SHC4: variants seen among roughly 807,000 people sequenced by gnomAD.
SHC4 encodes SHC-transforming protein 4.
Under a neutral mutation model 69.4 loss-of-function variants are expected in SHC4, and 41 were observed. The observed-to-expected ratio is 0.59, with a 90% CI of 0.46 to 0.77. The LOEUF (loss-of-function observed/expected upper bound fraction) is 0.77, where lower values mean the gene tolerates loss of function less well. Ranked by LOEUF, SHC4 falls within the 30% of genes least tolerant of loss-of-function variation. The pLI, the probability that SHC4 is intolerant of heterozygous loss-of-function variation, is 0.00. For synonymous variants in SHC4, 318 were observed against 299.3 expected (o/e 1.06, Z -0.64); for missense variants, 777 against 783.8 (o/e 0.99, Z 0.10).
chr15:48,917,195 T>C lies in SHC4; in HGVS notation c.656+7684A>G, dbSNP rs143267457. ...TTTCTTCTTTACTTGATGTGGATGC[T>C]TACTTAAGGGAAGGAAGCTGAGCTT... On this transcript the variant is annotated intron_variant, in intron 2 of 11. Transcript: ENST00000332408. 5.9e-5 allele frequency among the ~76,000 whole-genome samples: 9 copies of C among 151,578 alleles called. No individual in the cohort carries two copies. The East Asian group carries it at 1.7e-3, about 29-fold the overall frequency.
At chr15:48,878,260 T>G in intron 4 of SHC4, 1 of 1,613,028 alleles carries the variant, frequency 6.2e-7, no homozygotes. Flanking sequence ...AGGGTGACCT[T>G]CCGCAGATGG....
intron 1 of SHC4, among the ~76,000 whole-genome samples, chr15:48,939,391 G>A (rs905863231): frequency 1.3e-5 from 2 of 152,326 alleles, no homozygotes; most frequent in African/African-American, 4.8e-5. Context: ...CACAGCATGT[G>A]CAAGAGGTAA....
At chr15:48,866,024 G>T (rs1899552386) in intron 6 of SHC4, among the ~76,000 whole-genome samples, 1 of 152,182 alleles carries the variant, frequency 6.6e-6, no homozygotes, top group Non-Finnish European at 1.5e-5. Flanking sequence ...GCAATGACAT[G>T]CCCAGAGATA....
Position 48,963,657 on chromosome 15 carries a change from G to T in SHC4, c.-642C>A, listed in dbSNP as rs1475476099. Among the ~76,000 whole-genome samples the T allele has an allele frequency of 6.6e-6, 1 of 152,174 alleles. No individual in the cohort carries two copies. Among genetic ancestry groups the T allele is most frequent in the African/African-American group, 2.4e-5 (1 of 41,438 alleles). On this transcript the variant is annotated 5_prime_UTR_variant, in exon 1 of 12. In the 5' UTR this introduces an upstream ATG that the reference lacks. Coordinates refer to ENST00000332408, the MANE Select transcript of SHC4 (RefSeq NM_203349.4). ...TCTTGCATCCCGTTCTGGGCCACCA[G>T]CCAGGAGTACTACTGACGGGCGCTG...
At chr15:48,836,506 C>A (rs1898900963) in intron 10 of SHC4, among the ~76,000 whole-genome samples, 1 of 151,980 alleles carries the variant, frequency 6.6e-6, no homozygotes, top group African/African-American at 2.4e-5. Context: ...TTTAATAAGG[C>A]AAATTTACCA....
chr15:48,826,610 G>A (rs900546737), intron 11 of SHC4, among the ~76,000 whole-genome samples: 3 of 152,068 alleles, frequency 2.0e-5, no homozygotes, highest in African/African-American at 7.2e-5. Flanking sequence ...TTAGGAAAAT[G>A]GTAGGCACTT....
At chr15:48,954,183 A>C (rs1174082688) in intron 1 of SHC4, among the ~76,000 whole-genome samples, 1 of 152,130 alleles carries the variant, frequency 6.6e-6, no homozygotes, top group Non-Finnish European at 1.5e-5. Context: ...TTTAGCTGCA[A>C]CCTGCCCTCC....
chr15:48,962,393 C>T (rs1901558285), intron 1 of SHC4, 38 bp downstream of exon 1: 1 of 1,508,012 alleles, frequency 6.6e-7, no homozygotes, highest in African/African-American at 1.4e-5. Flanking sequence ...CCCCCTTCCA[C>T]GGAAGTTCTT....
intron 2 of SHC4, among the ~76,000 whole-genome samples, chr15:48,916,307 ACAC>A (rs1392348647): frequency 2.6e-5 from 4 of 151,014 alleles, no homozygotes; most frequent in Non-Finnish European, 4.4e-5. Flanking sequence ...ACACACACAC[ACAC>A]ACACACACCC....
intron 1 of SHC4, among the ~76,000 whole-genome samples, chr15:48,931,574 C>T (rs762500788): frequency 1.2e-4 from 19 of 152,194 alleles, no homozygotes; most frequent in Non-Finnish European, 2.4e-4. Flanking sequence ...TCCCTATCAT[C>T]GTCATAACTT....
chr15:48,897,154 G>C (rs932894664), intron 2 of SHC4, among the ~76,000 whole-genome samples: 6 of 152,108 alleles, frequency 3.9e-5, no homozygotes, highest in Non-Finnish European at 7.3e-5. Flanking sequence ...AAATTTTGGG[G>C]TTTCAGTGGC....
At chr15:48,882,091 G>T (rs1303415656) in intron 4 of SHC4, among the ~76,000 whole-genome samples, 1 of 152,132 alleles carries the variant, frequency 6.6e-6, no homozygotes, top group Non-Finnish European at 1.5e-5. Context: ...ACTTCCAGTG[G>T]TAGCATTAAG....
chr15:48,842,358 C>A (rs1367112671), intron 10 of SHC4, among the ~76,000 whole-genome samples: 4 of 152,176 alleles, frequency 2.6e-5, no homozygotes, highest in Non-Finnish European at 5.9e-5. Context: ...TGCAAATAAA[C>A]AAATTCAAAA....
At chr15:48,895,201 TG>T (rs1900203469) in intron 2 of SHC4, among the ~76,000 whole-genome samples, 1 of 152,162 alleles carries the variant, frequency 6.6e-6, no homozygotes, top group South Asian at 2.1e-4. Flanking sequence ...TTCCAAGGTA[TG>T]GACTTTACCC....
At chr15:48,890,579 G>A (rs973084251) in intron 3 of SHC4, among the ~76,000 whole-genome samples, 169 bp downstream of exon 3, 3 of 152,118 alleles carry the variant, frequency 2.0e-5, no homozygotes, top group Non-Finnish European at 4.4e-5. Flanking sequence ...CAGGCAACTC[G>A]GAAAGATTTG....
chr15:48,903,900 GGACTAC>G (rs1900359604), intron 2 of SHC4, among the ~76,000 whole-genome samples: 1 of 152,010 alleles, frequency 6.6e-6, no homozygotes, highest in East Asian at 1.9e-4. Flanking sequence ...CAAGTAGTGG[GGACTAC>G]AGGTGCATGC....
At chr15:48,871,680 A>G (rs1899680791) in intron 5 of SHC4, among the ~76,000 whole-genome samples, 1 of 152,238 alleles carries the variant, frequency 6.6e-6, no homozygotes, top group South Asian at 2.1e-4. Flanking sequence ...CTTGGTTGAT[A>G]TATCAAGTCC....
At chr15:48,839,011 G>A (rs1045017960) in intron 10 of SHC4, among the ~76,000 whole-genome samples, 3 of 151,832 alleles carry the variant, frequency 2.0e-5, no homozygotes, top group Non-Finnish European at 2.9e-5. Context: ...AAATAAAATG[G>A]AAATCAGTGA....
In SHC4 at chr15:48,920,889, C is replaced by T. The variant is rs115481541; in HGVS notation, c.656+3990G>A. Among the ~76,000 whole-genome samples the T allele has an allele frequency of 5.8e-3, 833 of 143,300 alleles. 9 individuals are homozygous for T. Among genetic ancestry groups the T allele is most frequent in the African/African-American group, 0.021 (797 of 38,580 alleles). The allele number at this position is 143,300 out of a possible 152,430, so 94.0% of individuals were successfully genotyped here. A position where few individuals can be genotyped will look rare whatever the true frequency, so the allele number is the denominator to read the frequency against. On this transcript the variant is annotated intron_variant, in intron 2 of 11. Coordinates refer to ENST00000332408, the MANE Select transcript of SHC4 (RefSeq NM_203349.4). ...CCATGAGCCCAGAAGTTAAGATCAG[C>T]TTGGCCAACATATCGAGACTCTTGT... is the stretch of plus-strand genomic sequence containing the variant.
Sources: allele counts gnomAD v4.1 joint callset (sites outside exome capture counted in the v4.1 genomes callset), GRCh38; gene constraint gnomAD v4.1.1; transcripts MANE v1.5; gene names NCBI Gene and HGNC (gene_info 2026-07-23, HGNC 2026-07-21).